Variants in DACH2 observed in about 807,000 individuals in gnomAD.
DACH2 encodes dachshund homolog 2.
A neutral mutation model predicts 35.8 loss-of-function variants in DACH2; 17 were observed. That is an observed-to-expected ratio of 0.48 (90% confidence interval 0.33 to 0.71). DACH2 has a LOEUF of 0.71. Among genes scored for constraint, DACH2 ranks in the 30% least tolerant of loss-of-function variants. The pLI, the probability that DACH2 is intolerant of heterozygous loss-of-function variation, is 0.02. For missense variants in DACH2, 469 were observed against 472.7 expected (o/e 0.99, Z 0.07); for synonymous variants, 195 against 177.3 (o/e 1.10, Z -0.79).
chrX:86,464,153 A>G (rs1256281249), intron 2 of DACH2, among the ~76,000 whole-genome samples: 1 of 111,223 alleles, frequency 9.0e-6, no homozygotes, highest in African/African-American at 3.3e-5. Flanking sequence ...CACTTGACCC[A>G]GTAATCCCAT....
intron 1 of DACH2, among the ~76,000 whole-genome samples, chrX:86,234,859 C>T (rs1191474987): frequency 9.0e-6 from 1 of 111,128 alleles, no homozygotes; most frequent in Non-Finnish European, 1.9e-5. Flanking sequence ...GCTATCTGCC[C>T]GCCTCGACCT....
At chrX:86,280,937 C>A (rs1251588347) in intron 1 of DACH2, among the ~76,000 whole-genome samples, 1 of 111,268 alleles carries the variant, frequency 9.0e-6, no homozygotes, top group Non-Finnish European at 1.9e-5. Flanking sequence ...ACAGGAGCAC[C>A]CAGATTCATA....
At chrX:86,194,907 G>A (rs2031936356) in intron 1 of DACH2, among the ~76,000 whole-genome samples, 1 of 112,519 alleles carries the variant, frequency 8.9e-6, no homozygotes, top group Non-Finnish European at 1.9e-5. Context: ...TGGTCTGCTG[G>A]CCTCTCCCGG....
intron 1 of DACH2, among the ~76,000 whole-genome samples, chrX:86,349,776 T>TA (rs112535323): frequency 1.8e-5 from 2 of 111,364 alleles, no homozygotes; most frequent in African/African-American, 6.6e-5. Context: ...CTTTTTTTTT[T>TA]AATTTTTCTG....
chrX:86,777,760 T>C (rs1602936064), intron 7 of DACH2, among the ~76,000 whole-genome samples: 1 of 111,368 alleles, frequency 9.0e-6, no homozygotes, highest in East Asian at 2.8e-4. Context: ...AAATAGTTCG[T>C]CAACACCACT....
At chrX:86,665,368 AAG>A (rs766860779) in intron 4 of DACH2, among the ~76,000 whole-genome samples, 1 of 111,852 alleles carries the variant, frequency 8.9e-6, no homozygotes, top group Non-Finnish European at 1.9e-5. Flanking sequence ...AGAAGAGACA[AAG>A]AGAGGCACAA....
chrX:86,180,771 A>G (rs577698526), intron 1 of DACH2, among the ~76,000 whole-genome samples: 21 of 111,912 alleles, frequency 1.9e-4, no homozygotes, highest in African/African-American at 6.5e-4. Flanking sequence ...ACAGGGAAAA[A>G]TGCTTAATCT....
chrX:86,332,368 G>T (rs900165900), intron 1 of DACH2, among the ~76,000 whole-genome samples: 1 of 111,156 alleles, frequency 9.0e-6, no homozygotes, highest in Non-Finnish European at 1.9e-5. Flanking sequence ...ACCAGGTATT[G>T]GTTCTATTTT....
At chrX:86,284,757 C>T (rs1201764794) in intron 1 of DACH2, among the ~76,000 whole-genome samples, 1 of 110,957 alleles carries the variant, frequency 9.0e-6, no homozygotes, top group Non-Finnish European at 1.9e-5. Flanking sequence ...GGAGACTGTT[C>T]AGCTTCGATC....
intron 1 of DACH2, among the ~76,000 whole-genome samples, chrX:86,154,335 T>G (rs2030469425): frequency 9.0e-6 from 1 of 111,459 alleles, no homozygotes; most frequent in Non-Finnish European, 1.9e-5. Context: ...ATTATGTTTT[T>G]GTGAAAAAGA....
At chrX:86,289,789 T>C (rs2034236754) in intron 1 of DACH2, among the ~76,000 whole-genome samples, 1 of 109,558 alleles carries the variant, frequency 9.1e-6, no homozygotes, top group Non-Finnish European at 1.9e-5. Flanking sequence ...CCATGGTGTA[T>C]ATGTGCCACA....
chrX:86,694,254 C>A (rs747891060), intron 4 of DACH2, among the ~76,000 whole-genome samples: 53 of 112,193 alleles, frequency 4.7e-4, no homozygotes, highest in Admixed American at 7.6e-4. Flanking sequence ...TGATTGGAAT[C>A]CCACCCTTTA....
chrX:86,816,779 C>G (rs2042457873), intron 11 of DACH2, among the ~76,000 whole-genome samples: 1 of 111,698 alleles, frequency 9.0e-6, no homozygotes, highest in Admixed American at 9.5e-5. Context: ...GAAAATTTTC[C>G]AGTGTGATTC....
At chrX:86,656,777 T>C (rs777775366) in intron 4 of DACH2, among the ~76,000 whole-genome samples, 1 of 104,485 alleles carries the variant, frequency 9.6e-6, no homozygotes, top group East Asian at 3.0e-4. Context: ...ATAACAAATA[T>C]TTCACTTGAA....
intron 1 of DACH2, among the ~76,000 whole-genome samples, chrX:86,225,229 A>G (rs1317781197): frequency 9.0e-6 from 1 of 111,522 alleles, no homozygotes; most frequent in Non-Finnish European, 1.9e-5. Context: ...ATATCATTTC[A>G]GATTCATGTT....
At chrX:86,294,826 C>T (rs1391958274) in intron 1 of DACH2, among the ~76,000 whole-genome samples, 44 of 108,872 alleles carry the variant, frequency 4.0e-4, no homozygotes, top group Admixed American at 8.8e-4. Context: ...CTCTTCAAAG[C>T]TGTCAGACAG....
intron 1 of DACH2, among the ~76,000 whole-genome samples, chrX:86,201,241 G>A (rs1221598026): frequency 1.9e-5 from 2 of 103,215 alleles, no homozygotes; most frequent in African/African-American, 7.1e-5. Context: ...AATGATAAGA[G>A]CTTAGGAACA....
chrX:86,699,558 G>C (rs995108404), intron 5 of DACH2, among the ~76,000 whole-genome samples: 2 of 111,457 alleles, frequency 1.8e-5, no homozygotes, highest in Non-Finnish European at 3.8e-5. Context: ...CCACTCCCAT[G>C]ATTCAATTAT....
chrX:86,576,385 A>C (rs968718791), intron 3 of DACH2, among the ~76,000 whole-genome samples: 4 of 111,828 alleles, frequency 3.6e-5, no homozygotes, highest in Non-Finnish European at 7.5e-5. Context: ...TTTTAAAAAC[A>C]TACATTTTTA....
Sources: gnomAD v4.1 joint callset for allele counts (sites outside exome capture counted in the v4.1 genomes callset) on GRCh38, gnomAD v4.1.1 for gene constraint, MANE v1.5 for transcripts, NCBI Gene and HGNC (gene_info 2026-07-23, HGNC 2026-07-21) for gene names.